Variants in CAMTA1 observed in about 807,000 individuals in gnomAD.
CAMTA1 encodes calmodulin-binding transcription activator 1.
CAMTA1 carries 27 observed loss-of-function variants against 170.9 expected under a neutral mutation model. The observed-to-expected ratio is 0.16, with a 90% confidence interval of 0.12 to 0.22. The LOEUF (loss-of-function observed/expected upper bound fraction) is 0.22. Among genes scored for constraint, CAMTA1 ranks in the 10% least tolerant of loss-of-function variants. CAMTA1 has a pLI of 1.00. For missense variants in CAMTA1, 1,619 were observed against 2,217.2 expected (o/e 0.73, Z 5.42); for synonymous variants, 833 against 891.5 (o/e 0.93, Z 1.17).
intron 9 of CAMTA1, among the ~76,000 whole-genome samples, chr1:7,668,646 C>T (rs2096025690): frequency 1.3e-5 from 2 of 152,120 alleles, no homozygotes; most frequent in African/African-American, 4.8e-5. Context: ...CGCGTCACCA[C>T]CAGTTCAGCG....
intron 1 of CAMTA1, among the ~76,000 whole-genome samples, chr1:6,792,929 G>A (rs956888474): frequency 2.0e-5 from 3 of 152,034 alleles, no homozygotes; most frequent in African/African-American, 7.3e-5. Flanking sequence ...AACGTTTGGG[G>A]CTGTGTTCTT....
rs1458126857 is a variant in CAMTA1, at chr1:7,767,858, A to G, written c.*1367A>G. 2 of 151,218 alleles carry G rather than the reference A, an allele frequency of 1.3e-5. No homozygotes were observed. Among genetic ancestry groups the G allele is most frequent in the African/African-American group, 4.9e-5 (2 of 40,930 alleles). 9.4% of individuals were successfully genotyped at this position (151,218 alleles called of 1,614,324 possible). On this transcript the variant is annotated 3_prime_UTR_variant, in exon 23 of 23. Transcript: ENST00000303635. ...GACTAAACTGCAAAAAAAAAAAAAG[A>G]GCTACTGTATTTAGACTTAGGAAAA...
chr1:7,582,075 G>A (rs745395736), intron 6 of CAMTA1, among the ~76,000 whole-genome samples: 22 of 152,278 alleles, frequency 1.4e-4, no homozygotes, highest in African/African-American at 3.8e-4. Context: ...TGTTGCTTCC[G>A]TAACTTTCAC....
In CAMTA1 at chr1:7,609,733, C is replaced by T. The variant is rs2095510785; in HGVS notation, c.511-30667C>T. ...ACAGGTGGTGTGACCTTGAGCAGGT[C>T]ACTTTGCTTCTCTGAGCCTCTCTTT... On this transcript the variant is annotated intron_variant, in intron 6 of 22. Transcript: ENST00000303635. The surrounding 1 kb of genome is among the most constrained non-coding windows in gnomAD (Gnocchi z 4.4). Among the ~76,000 whole-genome samples, 1 of 152,216 alleles carries T rather than the reference C, an allele frequency of 6.6e-6. No homozygotes were observed. The highest frequency in any genetic ancestry group is 2.1e-4 in the South Asian group (1 of 4,836).
chr1:7,674,962 A>G lies in CAMTA1; in HGVS notation c.2780-2637A>G, dbSNP rs1033429634. On this transcript the variant is annotated intron_variant, in intron 10 of 22. Coordinates refer to ENST00000303635, the MANE Select transcript of CAMTA1 (RefSeq NM_015215.4). The surrounding 1 kb of genome is among the most constrained non-coding windows in gnomAD (Gnocchi z 4.1). The stretch of plus-strand genomic sequence containing the variant: ...TGAGCTAATGTTCTACTGCAGGGAG[A>G]CAGAAAACAAACAAGGAGAAAAAGA... 1.3e-5 allele frequency among the ~76,000 whole-genome samples: 2 copies of G among 152,164 alleles called. No individual in the cohort carries two copies. The highest frequency in any genetic ancestry group is 2.4e-5 in the African/African-American group (1 of 41,424).
At chr1:7,373,997 G>A (rs979067061) in intron 5 of CAMTA1, among the ~76,000 whole-genome samples, 3 of 152,224 alleles carry the variant, frequency 2.0e-5, no homozygotes, top group Admixed American at 6.5e-5. Flanking sequence ...GCAAAGTCAG[G>A]AAGAGCAAGA....
intron 3 of CAMTA1, among the ~76,000 whole-genome samples, chr1:6,940,337 G>T (rs1001371258): frequency 1.1e-4 from 16 of 152,198 alleles, no homozygotes; most frequent in African/African-American, 3.9e-4. Context: ...AGAAGACCAA[G>T]GCCCAGCTCC....
At chr1:7,577,137 A>T (rs550412948) in intron 6 of CAMTA1, among the ~76,000 whole-genome samples, 1 of 152,176 alleles carries the variant, frequency 6.6e-6, no homozygotes, top group Non-Finnish European at 1.5e-5. Context: ...ACAAGCCAGC[A>T]TCGTCCTCCC....
chr1:7,650,676 G>A lies in CAMTA1; in HGVS notation c.664+10123G>A, dbSNP rs776697069. Among the ~76,000 whole-genome samples the A allele has an allele frequency of 2.7e-5, 4 of 150,468 alleles. 1 individual carries two copies. The highest frequency in any genetic ancestry group is 4.3e-4 in the South Asian group (2 of 4,630). The stretch of plus-strand genomic sequence containing the variant: ...TAGGTCCCCGCATGTGCACACGGTG[G>A]GCGCACACTCCATCCCGTCCCCCCT... On this transcript the variant is annotated intron_variant, in intron 7 of 22. Coordinates refer to ENST00000303635, the MANE Select transcript of CAMTA1 (RefSeq NM_015215.4).
At chr1:7,301,770 C>A (rs372639900) in intron 5 of CAMTA1, among the ~76,000 whole-genome samples, 1 of 152,204 alleles carries the variant, frequency 6.6e-6, no homozygotes, top group Non-Finnish European at 1.5e-5. Context: ...CTCTAGCCCA[C>A]TTCTCGAGGG....
intron 11 of CAMTA1, among the ~76,000 whole-genome samples, chr1:7,706,475 A>G (rs1006569773): frequency 2.0e-5 from 3 of 152,222 alleles, no homozygotes; most frequent in Non-Finnish European, 4.4e-5. Flanking sequence ...TCGAGAAACT[A>G]TTGCTGGGAA....
intron 5 of CAMTA1, among the ~76,000 whole-genome samples, chr1:7,276,276 A>ATC (rs1246080472): frequency 2.6e-5 from 1 of 38,982 alleles, no homozygotes; most frequent in African/African-American, 1.6e-4. Context: ...CCTACACCTG[A>ATC]TCATATATAT....
At chr1:7,601,414 A>G (rs2095441572) in intron 6 of CAMTA1, among the ~76,000 whole-genome samples, 1 of 150,626 alleles carries the variant, frequency 6.6e-6, no homozygotes, top group Non-Finnish European at 1.5e-5. Flanking sequence ...CTCACTTCCT[A>G]GATGGGATGG....
At chr1:7,114,507 T>C (rs1477443384) in intron 4 of CAMTA1, among the ~76,000 whole-genome samples, 1 of 151,782 alleles carries the variant, frequency 6.6e-6, no homozygotes, top group Non-Finnish European at 1.5e-5. Context: ...AGTTTATGAA[T>C]TTGTGTTGGG....
chr1:6,839,372 ACT>A (rs1464466754), intron 3 of CAMTA1, among the ~76,000 whole-genome samples: 2 of 151,872 alleles, frequency 1.3e-5, no homozygotes, highest in South Asian at 2.1e-4. Flanking sequence ...ACAGAGCGAG[ACT>A]CTCTTAAAAA....
chr1:7,758,706 C>T (rs368252355), intron 22 of CAMTA1, among the ~76,000 whole-genome samples: 9 of 152,024 alleles, frequency 5.9e-5, no homozygotes, highest in South Asian at 2.1e-4. Flanking sequence ...GAGGCCGAGG[C>T]GGGCGGATCA....
chr1:6,976,781 A>G (rs1185941068), intron 3 of CAMTA1, among the ~76,000 whole-genome samples: 1 of 152,166 alleles, frequency 6.6e-6, no homozygotes, highest in African/African-American at 2.4e-5. Context: ...CTGTGTCCCC[A>G]CCCAAATCTC....
At chr1:7,667,720 C>T (rs887081122) in intron 9 of CAMTA1, among the ~76,000 whole-genome samples, 5 of 152,206 alleles carry the variant, frequency 3.3e-5, no homozygotes, top group African/African-American at 1.2e-4. Flanking sequence ...CACACGAGGG[C>T]GGCCCAGGAA....
chr1:7,319,859 CAT>C (rs2149676325), intron 5 of CAMTA1, among the ~76,000 whole-genome samples: 1 of 145,594 alleles, frequency 6.9e-6, no homozygotes, highest in South Asian at 2.2e-4. Flanking sequence ...TATACTAAAT[CAT>C]TTTTTTTTTC....
Sources: allele counts gnomAD v4.1 joint callset (sites outside exome capture counted in the v4.1 genomes callset), GRCh38; gene constraint gnomAD v4.1.1; non-coding constraint Gnocchi (gnomAD v3.1); transcripts MANE v1.5; gene names NCBI Gene and HGNC (gene_info 2026-07-23, HGNC 2026-07-21).